GRM8: variants seen among roughly 807,000 people sequenced by gnomAD.
The protein encoded by GRM8 is glutamate metabotropic receptor 8.
A neutral mutation model predicts 87.2 loss-of-function variants in GRM8; 47 were observed. The ratio of observed to expected loss-of-function variants is 0.54; its 90% CI spans 0.43 to 0.69. The LOEUF (loss-of-function observed/expected upper bound fraction) is 0.69, where lower values mean the gene tolerates loss of function less well. Ranked by LOEUF, GRM8 falls within the 30% of genes least tolerant of loss-of-function variation. The pLI, the probability that GRM8 is intolerant of heterozygous loss-of-function variation, is 0.00. For synonymous variants in GRM8, 396 were observed against 404.5 expected, an observed-to-expected ratio of 0.98 and a Z score of 0.25; for missense variants, 1,019 against 1,139.2, an observed-to-expected ratio of 0.89 and a Z score of 1.52.
Position 126,439,025 on chromosome 7 carries a change from T to C in GRM8, c.*94A>G. 2.5e-6 allele frequency: 2 copies of C among 791,200 alleles called. No individual in the cohort carries two copies. The highest frequency in any genetic ancestry group is 4.6e-6 in the Non-Finnish European group (2 of 435,462). 49.0% of individuals were successfully genotyped at this position (791,200 alleles called of 1,614,324 possible). A position where few individuals can be genotyped will look rare whatever the true frequency, so the allele number is the denominator to read the frequency against. Reference sequence around the variant, plus strand: ...TGACTATTGATTTGATTGATTGTAGTCTACGGAGATCTCCAGGAGTGAATT... The same window carrying C: ...TGACTATTGATTTGATTGATTGTAGCCTACGGAGATCTCCAGGAGTGAATT... On this transcript the variant is annotated 3_prime_UTR_variant, in exon 11 of 11. Coordinates refer to ENST00000339582, the MANE Select transcript of GRM8 (RefSeq NM_000845.3).
chr7:126,855,911 A>G (rs1365340688), intron 6 of GRM8, among the ~76,000 whole-genome samples: 1 of 152,126 alleles, frequency 6.6e-6, no homozygotes, highest in African/African-American at 2.4e-5. Flanking sequence ...AGATGGCCCA[A>G]CCAGGCTGCC....
intron 3 of GRM8, among the ~76,000 whole-genome samples, chr7:127,101,887 G>T (rs2133036264): frequency 6.6e-6 from 1 of 152,288 alleles, no homozygotes; most frequent in African/African-American, 2.4e-5. Flanking sequence ...GGGAAACTTT[G>T]TACCTTCTTA....
chr7:126,495,473 C>T (rs1314530801), intron 9 of GRM8, among the ~76,000 whole-genome samples: 2 of 151,894 alleles, frequency 1.3e-5, no homozygotes, highest in African/African-American at 4.8e-5. Context: ...GATCTCAAGG[C>T]CTTTTATCAT....
chr7:126,929,212 T>C (rs562271705), intron 3 of GRM8, among the ~76,000 whole-genome samples: 63 of 152,250 alleles, frequency 4.1e-4, no homozygotes, highest in African/African-American at 1.4e-3. Flanking sequence ...AATAAGATAG[T>C]CCAATGCCAA....
intron 3 of GRM8, among the ~76,000 whole-genome samples, chr7:127,082,460 T>C (rs1353202711): frequency 6.6e-6 from 1 of 152,104 alleles, no homozygotes; most frequent in Non-Finnish European, 1.5e-5. Context: ...CCTCAGTTTC[T>C]CCCTTCTTAA....
intron 7 of GRM8, among the ~76,000 whole-genome samples, chr7:126,634,526 C>CT (rs1194416763): frequency 1.3e-5 from 2 of 152,080 alleles, no homozygotes; most frequent in Admixed American, 1.3e-4. Flanking sequence ...TCTTAAACCC[C>CT]TATAGTATCT....
intron 3 of GRM8, among the ~76,000 whole-genome samples, chr7:126,938,057 T>A (rs954888556): frequency 6.6e-6 from 1 of 152,198 alleles, no homozygotes; most frequent in Non-Finnish European, 1.5e-5. Context: ...AGCCTACATT[T>A]CATAACCCCC....
intron 7 of GRM8, among the ~76,000 whole-genome samples, chr7:126,650,423 C>T (rs1222965349): frequency 6.6e-6 from 1 of 152,128 alleles, no homozygotes; most frequent in Non-Finnish European, 1.5e-5. Context: ...ACAGCTGTAG[C>T]ATTATAGCCC....
chr7:127,115,951 CT>C (rs1430359821), intron 2 of GRM8, among the ~76,000 whole-genome samples: 1 of 152,102 alleles, frequency 6.6e-6, no homozygotes, highest in African/African-American at 2.4e-5. Context: ...ACCTCCATCT[CT>C]ATAAAACATT....
intron 9 of GRM8, among the ~76,000 whole-genome samples, chr7:126,470,444 G>C (rs930909530): frequency 6.8e-6 from 1 of 147,666 alleles, no homozygotes; most frequent in African/African-American, 2.5e-5. Context: ...TGCAGTGTTT[G>C]GTTTTTTGTC....
At chr7:126,612,739 C>G (rs1292084281) in intron 7 of GRM8, among the ~76,000 whole-genome samples, 1 of 152,164 alleles carries the variant, frequency 6.6e-6, no homozygotes, top group Non-Finnish European at 1.5e-5. Context: ...AGACAGTGTT[C>G]AGTACTGAGC....
rs184139645 is a variant in GRM8 at position 126,659,754 on chromosome 7, T to A, written c.1358-50256A>T. Among the ~76,000 whole-genome samples, 807 of 152,332 alleles carry A rather than the reference T, an allele frequency of 5.3e-3. 4 individuals are homozygous for A. The highest frequency in any genetic ancestry group is 0.024 in the South Asian group (114 of 4,828). ...AATTCTCTAAAGTTAAAAACTTAGG[T>A]CTTTGTATTTCCACTATTTCAAATA... On this transcript the variant is annotated intron_variant, in intron 7 of 10. Coordinates refer to ENST00000339582, the MANE Select transcript of GRM8 (RefSeq NM_000845.3).
At chr7:126,620,427 G>A (rs1461106756) in intron 7 of GRM8, among the ~76,000 whole-genome samples, 2 of 152,174 alleles carry the variant, frequency 1.3e-5, no homozygotes, top group African/African-American at 4.8e-5. Flanking sequence ...AATAAGAAAT[G>A]TGTGAAAAAG....
intron 7 of GRM8, among the ~76,000 whole-genome samples, chr7:126,698,839 G>T (rs1237342755): frequency 2.6e-5 from 4 of 152,108 alleles, no homozygotes; most frequent in African/African-American, 9.7e-5. Context: ...TATTAATTAT[G>T]TAGGCAATGC....
At chr7:127,148,619 T>C (rs1828677697) in intron 2 of GRM8, among the ~76,000 whole-genome samples, 1 of 152,046 alleles carries the variant, frequency 6.6e-6, no homozygotes, top group South Asian at 2.1e-4. Flanking sequence ...TGTACTCATA[T>C]ACAGTATTGT....
At chr7:126,566,563 C>A (rs910071420) in intron 8 of GRM8, among the ~76,000 whole-genome samples, 4 of 152,008 alleles carry the variant, frequency 2.6e-5, no homozygotes, top group African/African-American at 9.7e-5. Context: ...AAACTGGAAC[C>A]CTTGCACACT....
chr7:127,064,601 G>A (rs1458853274), intron 3 of GRM8, among the ~76,000 whole-genome samples: 1 of 152,094 alleles, frequency 6.6e-6, no homozygotes, highest in Non-Finnish European at 1.5e-5. Context: ...TTTAAGTGGG[G>A]TATTTAGCTA....
intron 7 of GRM8, among the ~76,000 whole-genome samples, chr7:126,696,364 T>C (rs373331076): frequency 6.6e-6 from 1 of 152,088 alleles, no homozygotes; most frequent in Non-Finnish European, 1.5e-5. Context: ...CTATTTGATA[T>C]TGATGCTCTC....
chr7:127,158,840 T>C (rs912542878), intron 2 of GRM8, among the ~76,000 whole-genome samples: 1 of 152,042 alleles, frequency 6.6e-6, no homozygotes, highest in Non-Finnish European at 1.5e-5. Context: ...CTCCTGGTCT[T>C]TTTACTGCCC....
Sources: gnomAD v4.1 joint callset for allele counts (sites outside exome capture counted in the v4.1 genomes callset) on GRCh38, gnomAD v4.1.1 for gene constraint, MANE v1.5 for transcripts, NCBI Gene and HGNC (gene_info 2026-07-23, HGNC 2026-07-21) for gene names.